The following RAP1GDS1 variants were observed in gnomAD, a reference collection of about 807,000 sequenced individuals.
RAP1GDS1 encodes the protein RAP1, GTP-GDP dissociation stimulator 1.
Under a neutral mutation model 71.1 loss-of-function variants are expected in RAP1GDS1, and 35 were observed. That is an observed-to-expected ratio of 0.49 (90% CI 0.38 to 0.65). The LOEUF (loss-of-function observed/expected upper bound fraction) is 0.65. RAP1GDS1 is among the 30% of genes least tolerant of loss of function. RAP1GDS1 has a pLI of 0.00. For synonymous variants in RAP1GDS1, 229 were observed against 243.1 expected, an observed-to-expected ratio of 0.94 and a Z score of 0.54; for missense variants, 663 against 706.1, an observed-to-expected ratio of 0.94 and a Z score of 0.69.
At chr4:98,374,491 T>C (rs1327937398) in intron 4 of RAP1GDS1, among the ~76,000 whole-genome samples, 1 of 152,188 alleles carries the variant, frequency 6.6e-6, no homozygotes, top group Non-Finnish European at 1.5e-5. Flanking sequence ...TGAGTTTTGT[T>C]GGTTTCATCT....
intron 2 of RAP1GDS1, among the ~76,000 whole-genome samples, chr4:98,308,297 C>CTATATATA (rs779815305): frequency 0.097 from 7,063 of 72,648 alleles, 497 homozygotes; most frequent in Middle Eastern, 0.12. Flanking sequence ...CACACACACA[C>CTATATATA]TATATATATA....
At chr4:98,408,056 G>C (rs1397679884) in intron 7 of RAP1GDS1, among the ~76,000 whole-genome samples, 1 of 151,506 alleles carries the variant, frequency 6.6e-6, no homozygotes, top group Non-Finnish European at 1.5e-5. Context: ...CAGCTATTAA[G>C]AGGATATTAT....
At chr4:98,313,289 A>G (rs1354493536) in intron 2 of RAP1GDS1, among the ~76,000 whole-genome samples, 1 of 152,124 alleles carries the variant, frequency 6.6e-6, no homozygotes, top group East Asian at 1.9e-4. Flanking sequence ...ACAATGTCCC[A>G]CATAAAGAGC....
intron 4 of RAP1GDS1, among the ~76,000 whole-genome samples, chr4:98,367,503 C>T (rs1479352191): frequency 1.3e-5 from 2 of 152,160 alleles, no homozygotes; most frequent in African/African-American, 4.8e-5. Flanking sequence ...CTCCAGACCC[C>T]AGGACGGTAG....
intron 12 of RAP1GDS1, among the ~76,000 whole-genome samples, chr4:98,431,004 A>G (rs1443486202): frequency 6.6e-6 from 1 of 152,172 alleles, no homozygotes; most frequent in African/African-American, 2.4e-5. Context: ...AGGACTGCTG[A>G]CCAACTAGCT....
Position 98,391,443 on chromosome 4 carries a change from G to A in RAP1GDS1, c.509-509G>A, listed in dbSNP as rs559552967. Among the ~76,000 whole-genome samples, 6 of 152,098 alleles carry A rather than the reference G, an allele frequency of 3.9e-5. No homozygotes were observed. In the South Asian group the frequency reaches 1.0e-3, roughly 26 times the overall value. On this transcript the variant is annotated intron_variant, in intron 5 of 14. Transcript: ENST00000408927. ...AGAACACTCTGGTTGCAAATATTCA[G>A]AACCAATCATTTTTGTGTATTTATT...
At chr4:98,318,023 A>G (rs1050433083) in intron 2 of RAP1GDS1, among the ~76,000 whole-genome samples, 11 of 151,828 alleles carry the variant, frequency 7.2e-5, no homozygotes, top group African/African-American at 2.4e-4. Context: ...TTGTATTTTT[A>G]GTAGAGACGG....
chr4:98,421,244 C>A lies in RAP1GDS1; in HGVS notation c.1301-11C>A. On this transcript the variant is annotated splice_polypyrimidine_tract_variant and intron_variant, in intron 11 of 14. Coordinates refer to ENST00000408927, the MANE Select transcript of RAP1GDS1 (RefSeq NM_001100427.2). Reference sequence around the variant, plus strand: ...AGTGATTCATTCCTTGGTTTGCCTTCTTTCCTATAGCAGAAGCTGCTGAAC... The same window carrying A: ...AGTGATTCATTCCTTGGTTTGCCTTATTTCCTATAGCAGAAGCTGCTGAAC... 2.5e-6 allele frequency: 4 copies of A among 1,598,110 alleles called. No homozygotes were observed. Among genetic ancestry groups the A allele is most frequent in the Non-Finnish European group, 3.4e-6 (4 of 1,171,502 alleles).
Position 98,352,547 on chromosome 4 carries a change from C to T in RAP1GDS1, c.307C>T (p.Gln103Ter). ...GGTGCAGCTGCTAAATAGCAAAGAC[C>T]AGGAAGTGCTGCTTCAAACGGGCAG... ...PLVQLLNSKD[Q>*]EVLLQTGRAL... is the part of the protein sequence containing the mutation. The change falls in exon 4 of 15, where the codon CAG (glutamine) becomes TAG (stop). Residue 103 changes from glutamine (Q) to a stop codon, truncating the protein, a stop_gained. Transcript: ENST00000408927. LOFTEE classifies it high-confidence loss of function. 1 of 1,613,952 alleles carries T rather than the reference C, an allele frequency of 6.2e-7. No homozygotes were observed. The highest frequency in any genetic ancestry group is 8.5e-7 in the Non-Finnish European group (1 of 1,179,930).
At chr4:98,315,290 A>G (rs1436879169) in intron 2 of RAP1GDS1, among the ~76,000 whole-genome samples, 3 of 151,958 alleles carry the variant, frequency 2.0e-5, no homozygotes, top group Non-Finnish European at 4.4e-5. Context: ...TGAGGATATG[A>G]TTTGTGTCCT....
At chr4:98,335,355 G>A (rs962626373) in intron 2 of RAP1GDS1, among the ~76,000 whole-genome samples, 8 of 152,138 alleles carry the variant, frequency 5.3e-5, no homozygotes, top group Non-Finnish European at 8.8e-5. Flanking sequence ...GAGGTTGTAA[G>A]TTTGTGATGG....
intron 2 of RAP1GDS1, among the ~76,000 whole-genome samples, chr4:98,295,825 GAT>G (rs1727654906): frequency 6.6e-6 from 1 of 151,850 alleles, no homozygotes; most frequent in Admixed American, 6.6e-5. Flanking sequence ...ACTATAAAGT[GAT>G]ATATGTATTT....
At chr4:98,372,584 A>G (rs1291150294) in intron 4 of RAP1GDS1, among the ~76,000 whole-genome samples, 3 of 152,184 alleles carry the variant, frequency 2.0e-5, no homozygotes, top group Non-Finnish European at 2.9e-5. Context: ...AATTTAATCA[A>G]TCACCTTACT....
At chr4:98,400,093 G>A (rs1034553767) in intron 6 of RAP1GDS1, among the ~76,000 whole-genome samples, 3 of 151,970 alleles carry the variant, frequency 2.0e-5, no homozygotes, top group Non-Finnish European at 2.9e-5. Flanking sequence ...GTTGAGTCAG[G>A]TTGCAGTGAG....
At chr4:98,336,482 C>T (rs185895352) in intron 2 of RAP1GDS1, among the ~76,000 whole-genome samples, 18 of 152,290 alleles carry the variant, frequency 1.2e-4, no homozygotes, top group African/African-American at 4.1e-4. Flanking sequence ...ACAAGACTAT[C>T]AAAATCATTT....
At chr4:98,418,933 A>T in intron 10 of RAP1GDS1, 142 bp downstream of exon 10, 1 of 859,150 alleles carries the variant, frequency 1.2e-6, no homozygotes, top group Non-Finnish European at 1.6e-6. Context: ...ACATTTTTTC[A>T]TGCTAATAAA....
chr4:98,321,517 G>C (rs1731887284), intron 2 of RAP1GDS1, among the ~76,000 whole-genome samples: 1 of 144,120 alleles, frequency 6.9e-6, no homozygotes, highest in African/African-American at 2.6e-5. Context: ...AGGGCAGCCA[G>C]AGAGAAAGGT....
intron 1 of RAP1GDS1, among the ~76,000 whole-genome samples, chr4:98,289,969 A>G (rs1423014958): frequency 6.6e-6 from 1 of 151,990 alleles, no homozygotes; most frequent in African/African-American, 2.4e-5. Context: ...CTAGATAGTT[A>G]TGTGAAAATA....
intron 14 of RAP1GDS1, among the ~76,000 whole-genome samples, chr4:98,438,992 T>C (rs1373635043): frequency 1.3e-5 from 2 of 152,222 alleles, no homozygotes; most frequent in African/African-American, 4.8e-5. Flanking sequence ...ACCAAACATA[T>C]TTCAGAAAAC....
Sources: gnomAD v4.1 joint callset for allele counts (sites outside exome capture counted in the v4.1 genomes callset) on GRCh38, gnomAD v4.1.1 for gene constraint, MANE v1.5 for transcripts, NCBI Gene and HGNC (gene_info 2026-07-23, HGNC 2026-07-21) for gene names.